Variants in EHD3 observed in about 807,000 individuals in gnomAD.
The protein encoded by EHD3 is EH domain containing 3.
EHD3 carries 17 observed loss-of-function variants against 43.0 expected under a neutral mutation model. The observed-to-expected ratio is 0.40, with a 90% CI of 0.27 to 0.59. The LOEUF is 0.59. EHD3 is among the 20% of genes least tolerant of loss of function. EHD3 has a pLI of 0.49. For missense variants in EHD3, 594 were observed against 705.6 expected (o/e 0.84, Z 1.79); for synonymous variants, 313 against 289.5 (o/e 1.08, Z -0.82).
At chr2:31,256,697 GAC>G (rs1444512403) in intron 3 of EHD3, among the ~76,000 whole-genome samples, 1 of 152,252 alleles carries the variant, frequency 6.6e-6, no homozygotes, top group Non-Finnish European at 1.5e-5. Flanking sequence ...AGCCTTTGCA[GAC>G]ACAGCCTTCT....
intron 2 of EHD3, among the ~76,000 whole-genome samples, chr2:31,248,564 A>G (rs1435711282): frequency 6.6e-6 from 1 of 152,168 alleles, no homozygotes; most frequent in South Asian, 2.1e-4. Flanking sequence ...AGCATGAACC[A>G]TGGCTGCCTC....
chr2:31,258,791 C>T (rs982404477), intron 3 of EHD3, among the ~76,000 whole-genome samples: 1 of 152,206 alleles, frequency 6.6e-6, no homozygotes, highest in African/African-American at 2.4e-5. Context: ...CAAAGTGTGG[C>T]CCTTGGACCA....
intron 3 of EHD3, among the ~76,000 whole-genome samples, chr2:31,253,915 CAGG>C (rs1683689230): frequency 2.6e-5 from 4 of 152,108 alleles, no homozygotes; most frequent in Non-Finnish European, 4.4e-5. Flanking sequence ...GAGGATGCAG[CAGG>C]AGTGGGAGGG....
At chr2:31,250,871 T>G (rs1271248299) in intron 3 of EHD3, among the ~76,000 whole-genome samples, 1 of 152,234 alleles carries the variant, frequency 6.6e-6, no homozygotes, top group Non-Finnish European at 1.5e-5. Flanking sequence ...CTTGCCTGAA[T>G]GGACCTAGGT....
chr2:31,239,507 C>A (rs3769631), intron 1 of EHD3, among the ~76,000 whole-genome samples: 114,336 of 152,098 alleles, frequency 0.75, 43,148 homozygotes, highest in East Asian at 0.9. Flanking sequence ...AGTCATCAGG[C>A]AAAACATTTA....
rs753983662 is a variant in EHD3 at position 31,244,331 on chromosome 2, C to G, written c.285C>G (p.Asp95Glu). 16 of 1,614,250 alleles carry G rather than the reference C, an allele frequency of 9.9e-6. 1 individual carries two copies. Among genetic ancestry groups the G allele is most frequent in the South Asian group, 4.4e-5 (4 of 91,088 alleles). The change falls in exon 2 of 6, where the codon GAC becomes GAG. Residue 95 changes from aspartate (D) to glutamate (E), a missense_variant. Coordinates refer to ENST00000322054, the MANE Select transcript of EHD3 (RefSeq NM_014600.3). ...GGATTGGGCCTGAGCCCACCACAGACTCCTTCATTGCGGTGATGCAGGGAG... is the reference window on the plus strand; with the variant it reads ...GGATTGGGCCTGAGCCCACCACAGAGTCCTTCATTGCGGTGATGCAGGGAG... Reference protein sequence around the residue: ...GMRIGPEPTTDSFIAVMQGDM... With the variant: ...GMRIGPEPTTESFIAVMQGDM...
chr2:31,261,875 C>A (rs575500481), intron 5 of EHD3, among the ~76,000 whole-genome samples, 162 bp downstream of exon 5: 1 of 152,342 alleles, frequency 6.6e-6, no homozygotes, highest in East Asian at 1.9e-4. Flanking sequence ...GCTGGGCCAT[C>A]ACTGGCCCAA....
intron 3 of EHD3, among the ~76,000 whole-genome samples, chr2:31,252,426 A>G (rs1266427986): frequency 1.3e-5 from 2 of 152,066 alleles, no homozygotes; most frequent in Non-Finnish European, 2.9e-5. Flanking sequence ...CTCAGTTCCT[A>G]TCCTATTCTA....
In EHD3 at chr2:31,266,166, C is replaced by G; in HGVS notation, c.1081-11C>G. 2 of 1,602,312 alleles carry G rather than the reference C, an allele frequency of 1.2e-6. No homozygotes were observed. The highest frequency in any genetic ancestry group is 1.7e-6 in the Non-Finnish European group (2 of 1,172,184). The stretch of plus-strand genomic sequence containing the variant: ...GTATCCTATCTTCATCCTCTCTCCT[C>G]CTCTTCCCAGGACCAGCTGCAGGCC... On this transcript the variant is annotated splice_polypyrimidine_tract_variant and intron_variant, in intron 5 of 5. Transcript: ENST00000322054. The surrounding 1 kb of genome is among the most constrained non-coding windows in gnomAD (Gnocchi z 5.1).
chr2:31,243,648 G>A (rs908597273), intron 1 of EHD3, among the ~76,000 whole-genome samples: 9 of 151,578 alleles, frequency 5.9e-5, no homozygotes, highest in African/African-American at 2.2e-4. Context: ...GTAGAGACAG[G>A]TTTCACCATG....
intron 3 of EHD3, among the ~76,000 whole-genome samples, chr2:31,259,416 T>C (rs1207636830): frequency 6.6e-6 from 1 of 152,206 alleles, no homozygotes; most frequent in East Asian, 1.9e-4. Context: ...GCTCTGGGTG[T>C]CAGTGAATGT....
Position 31,266,201 on chromosome 2 carries a change from A to G in EHD3, c.1105A>G (p.Ser369Gly). ...GGACCAGCTGCAGGCCCAGGACTTT[A>G]GCAAGTTCCAGCCGCTGAAGAGCAA... ...MQDQLQAQDF[S>G]KFQPLKSKLL... The change falls in exon 6 of 6, where the codon AGC (serine) becomes GGC (glycine). Residue 369 changes from serine (S) to glycine (G), a missense_variant. By Grantham distance (56) the Ser-to-Gly change is moderately conservative (BLOSUM62 0). Transcript: ENST00000322054. The surrounding 1 kb of genome is among the most constrained non-coding windows in gnomAD (Gnocchi z 5.1). 4 of 1,612,406 alleles carry G rather than the reference A, an allele frequency of 2.5e-6. No homozygotes were observed. Among genetic ancestry groups the G allele is most frequent in the Non-Finnish European group, 3.4e-6 (4 of 1,178,606 alleles).
intron 5 of EHD3, among the ~76,000 whole-genome samples, chr2:31,264,547 T>TG (rs2148724654): frequency 6.7e-6 from 1 of 148,702 alleles, no homozygotes; most frequent in Admixed American, 6.7e-5. Context: ...TTTTTTTTTT[T>TG]TTTTTTGATA....
intron 5 of EHD3, among the ~76,000 whole-genome samples, chr2:31,262,085 C>T (rs1273190753): frequency 2.0e-5 from 3 of 152,164 alleles, no homozygotes; most frequent in East Asian, 3.8e-4. Context: ...TTAAAGTGCT[C>T]GAGTTTACAT....
At chr2:31,243,457 T>TC in intron 1 of EHD3, among the ~76,000 whole-genome samples, 1 of 112,526 alleles carries the variant, frequency 8.9e-6, no homozygotes, top group African/African-American at 3.9e-5. Flanking sequence ...TCTTTCTTTC[T>TC]TTCTTTTTTT....
intron 1 of EHD3, among the ~76,000 whole-genome samples, chr2:31,243,455 TC>T (rs1484115270): frequency 0.03 from 3,491 of 118,000 alleles, 265 homozygotes; most frequent in African/African-American, 0.065. Flanking sequence ...TTTCTTTCTT[TC>T]TTTCTTTTTT....
At chr2:31,259,859 AGGGGAGCT>A (rs990376692) in intron 3 of EHD3, among the ~76,000 whole-genome samples, 1 of 152,184 alleles carries the variant, frequency 6.6e-6, no homozygotes, top group African/African-American at 2.4e-5. Context: ...AAGCACGGAT[AGGGGAGCT>A]GGTATGGAAA....
chr2:31,245,553 A>ATATATATATATATT (rs1446415610), intron 2 of EHD3, among the ~76,000 whole-genome samples: 7 of 35,072 alleles, frequency 2.0e-4, no homozygotes, highest in African/African-American at 5.4e-4. Context: ...ATATATATAT[A>ATATATATATATATT]TTTTTTTTTT....
At chr2:31,247,992 A>T (rs2148718525) in intron 2 of EHD3, among the ~76,000 whole-genome samples, 1 of 152,330 alleles carries the variant, frequency 6.6e-6, no homozygotes, top group African/African-American at 2.4e-5. Context: ...CCGCTGAAGT[A>T]GTGGATGTTT....
Sources: gnomAD v4.1 joint callset for allele counts (sites outside exome capture counted in the v4.1 genomes callset) on GRCh38, gnomAD v4.1.1 for gene constraint, Gnocchi (gnomAD v3.1) non-coding constraint, MANE v1.5 for transcripts, NCBI Gene and HGNC (gene_info 2026-07-23, HGNC 2026-07-21) for gene names.